The following EHHADH variants were observed in gnomAD, a reference collection of about 807,000 sequenced individuals.
EHHADH encodes the protein peroxisomal bifunctional enzyme.
Under a neutral mutation model 64.4 loss-of-function variants are expected in EHHADH, and 48 were observed. The ratio of observed to expected loss-of-function variants is 0.75; its 90% CI spans 0.59 to 0.95. The LOEUF is 0.95. Ranked by LOEUF, EHHADH falls within the 40% of genes least tolerant of loss-of-function variation. The probability of loss-of-function intolerance (pLI) is 0.00; values close to 1 mark genes in which losing one functional copy is unlikely to be tolerated. For synonymous variants in EHHADH, 308 were observed against 326.7 expected (o/e 0.94, Z 0.62); for missense variants, 854 against 876.6 (o/e 0.97, Z 0.33).
chr3:185,236,331 A>T (rs982303438), intron 2 of EHHADH, among the ~76,000 whole-genome samples: 2 of 143,192 alleles, frequency 1.4e-5, no homozygotes, highest in African/African-American at 4.9e-5. Flanking sequence ...TGATGATCTG[A>T]GGTGGAACAG....
At chr3:185,213,962 A>G (rs188328241) in intron 5 of EHHADH, among the ~76,000 whole-genome samples, 316 of 152,268 alleles carry the variant, frequency 2.1e-3, no homozygotes, top group Middle Eastern at 3.4e-3. Context: ...ACAATACCTC[A>G]AATGAAAATG....
chr3:185,248,791 T>A (rs1402665010), intron 1 of EHHADH, among the ~76,000 whole-genome samples: 1 of 152,228 alleles, frequency 6.6e-6, no homozygotes, highest in Non-Finnish European at 1.5e-5. Context: ...TGCTTTCACT[T>A]TGACCGCTTA....
chr3:185,239,786 G>T (rs1284515114), intron 2 of EHHADH, among the ~76,000 whole-genome samples: 1 of 152,114 alleles, frequency 6.6e-6, no homozygotes, highest in African/African-American at 2.4e-5. Context: ...TCTGTTGCCT[G>T]ATTGCTCTGG....
chr3:185,241,811 A>T (rs1404922673), intron 2 of EHHADH, among the ~76,000 whole-genome samples: 1 of 152,138 alleles, frequency 6.6e-6, no homozygotes, highest in African/African-American at 2.4e-5. Flanking sequence ...ATTAACTCCC[A>T]ACTATTTATC....
intron 4 of EHHADH, among the ~76,000 whole-genome samples, chr3:185,227,258 C>T (rs1427116985): frequency 3.3e-5 from 5 of 152,196 alleles, no homozygotes; most frequent in South Asian, 2.1e-4. Context: ...CCTGGCTGGG[C>T]GCAGCAGCTC....
intron 5 of EHHADH, among the ~76,000 whole-genome samples, chr3:185,212,657 C>T (rs942185789): frequency 4.2e-5 from 5 of 119,844 alleles, no homozygotes; most frequent in Non-Finnish European, 5.9e-5. Flanking sequence ...AAAGGGAATA[C>T]AAAAATTCAA....
intron 5 of EHHADH, among the ~76,000 whole-genome samples, chr3:185,210,444 G>A (rs959569810): frequency 1.1e-4 from 17 of 151,998 alleles, no homozygotes; most frequent in Admixed American, 5.2e-4. Flanking sequence ...GACCAGCCCA[G>A]CCAAGATAGT....
intron 5 of EHHADH, 149 bp downstream of exon 5, chr3:185,217,987 G>A (rs1010688247): frequency 5.0e-5 from 20 of 401,838 alleles, no homozygotes; most frequent in Non-Finnish European, 5.8e-5. Flanking sequence ...GGATGGTCTC[G>A]ATCTCCTGAC....
intron 6 of EHHADH, 34 bp from the exon 7 acceptor site, chr3:185,193,521 T>G: frequency 6.2e-7 from 1 of 1,605,590 alleles, no homozygotes; most frequent in Non-Finnish European, 8.5e-7. Context: ...AAAAGAATGA[T>G]TCAGTGGTAT....
At chr3:185,210,987 A>G (rs1403208649) in intron 5 of EHHADH, among the ~76,000 whole-genome samples, 1 of 152,176 alleles carries the variant, frequency 6.6e-6, no homozygotes, top group African/African-American at 2.4e-5. Flanking sequence ...ACTTGTCTAG[A>G]CCAGTCCTAG....
chr3:185,232,861 CA>C (rs1719173084), intron 3 of EHHADH, among the ~76,000 whole-genome samples: 1 of 152,180 alleles, frequency 6.6e-6, no homozygotes. Flanking sequence ...AAACAACTGT[CA>C]ATCAAGAATT....
intron 3 of EHHADH, 28 bp from the exon 4 acceptor site, chr3:185,229,571 AT>A: frequency 7.1e-7 from 1 of 1,399,392 alleles, no homozygotes; most frequent in Non-Finnish European, 9.7e-7. Flanking sequence ...CATAAAGGCC[AT>A]TAGCATGAGA....
intron 2 of EHHADH, among the ~76,000 whole-genome samples, chr3:185,240,621 C>T (rs1719422217): frequency 6.6e-6 from 1 of 151,684 alleles, no homozygotes. Flanking sequence ...TGTACTGTCA[C>T]CTTTATAATT....
Position 185,248,435 on chromosome 3 carries a change from C to T in EHHADH, c.157G>A (p.Ala53Thr). The change falls in exon 2 of 7, where the codon GCA becomes ACA. Residue 53 changes from alanine to threonine, a missense_variant. Ala to Thr is a moderately conservative substitution (Grantham distance 58). Transcript: ENST00000231887. Reference sequence around the variant, plus strand: ...TTACCTGCAGAAAATTTGCCCTCTGCTCCACAAATCACAATGGCTTTTATT... The same window carrying T: ...TTACCTGCAGAAAATTTGCCCTCTGTTCCACAAATCACAATGGCTTTTATT... ...HTIKAIVICG[A>T]EGKFSAGADI... 1 of 1,614,050 alleles carries T rather than the reference C, an allele frequency of 6.2e-7. No homozygotes were observed. The highest frequency in any genetic ancestry group is 1.1e-5 in the South Asian group (1 of 91,080).
rs1175881295 is a variant in EHHADH at position 185,192,928 on chromosome 3, A to C, written c.1470T>G (p.Asn490Lys). 4 of 1,613,132 alleles carry C rather than the reference A, an allele frequency of 2.5e-6. No homozygotes were observed. Among genetic ancestry groups the C allele is most frequent in the Non-Finnish European group, 3.4e-6 (4 of 1,179,538 alleles). The change falls in exon 7 of 7, where the codon AAT becomes AAG. Residue 490 changes from asparagine (N) to lysine (K), a missense_variant. Transcript: ENST00000231887. ...VGNRMLNPYY[N>K]QAYFLLEEGS... ...CTTCTTCTAACAAGAAATATGCCTGATTGTAGTAAGGATTCAACATTCGAT... is the reference window on the plus strand; with the variant it reads ...CTTCTTCTAACAAGAAATATGCCTGCTTGTAGTAAGGATTCAACATTCGAT...
At chr3:185,244,097 A>G (rs1454310048) in intron 2 of EHHADH, among the ~76,000 whole-genome samples, 2 of 152,202 alleles carry the variant, frequency 1.3e-5, no homozygotes, top group Non-Finnish European at 2.9e-5. Context: ...CTTTATTATT[A>G]TATAATACAT....
intron 2 of EHHADH, among the ~76,000 whole-genome samples, chr3:185,243,518 T>C (rs1197368903): frequency 2.0e-5 from 3 of 152,186 alleles, no homozygotes; most frequent in African/African-American, 7.2e-5. Context: ...TTCCTTGAGG[T>C]GCAACATTAG....
rs567350679 is a variant in EHHADH at position 185,197,005 on chromosome 3, G to GA, written c.911-3519dup. ...TGACAGAGTGAGACTCCATCTTGAA[G>GA]AAAAAAAAAAAAAAGCCAGACACAA... On this transcript the variant is annotated intron_variant, in intron 6 of 6. Coordinates refer to ENST00000231887, the MANE Select transcript of EHHADH (RefSeq NM_001966.4). Among the ~76,000 whole-genome samples the GA allele has an allele frequency of 9.9e-3, 1,172 of 118,154 alleles. 14 individuals are homozygous for GA. The highest frequency in any genetic ancestry group is 0.029 in the African/African-American group (929 of 32,376). 77.5% of individuals were successfully genotyped at this position (118,154 alleles called of 152,430 possible). A position where few individuals can be genotyped will look rare whatever the true frequency, so the allele number is the denominator to read the frequency against.
At chr3:185,226,615 C>T (rs1244123044) in intron 4 of EHHADH, among the ~76,000 whole-genome samples, 1 of 148,848 alleles carries the variant, frequency 6.7e-6, no homozygotes, top group Non-Finnish European at 1.5e-5. Flanking sequence ...TGCCACTGCA[C>T]TCCAGCCTGG....
Sources: allele counts gnomAD v4.1 joint callset (sites outside exome capture counted in the v4.1 genomes callset), GRCh38; gene constraint gnomAD v4.1.1; transcripts MANE v1.5; gene names NCBI Gene and HGNC (gene_info 2026-07-23, HGNC 2026-07-21).